LINGO2: variants seen among roughly 807,000 people sequenced by gnomAD.
LINGO2 encodes leucine-rich repeat and immunoglobulin-like domain-containing nogo receptor-interacting protein 2.
Under a neutral mutation model 30.6 loss-of-function variants are expected in LINGO2, and 14 were observed. That is an observed-to-expected ratio of 0.46 (90% CI 0.30 to 0.72). LINGO2 has a LOEUF of 0.72. Among genes scored for constraint, LINGO2 ranks in the 30% least tolerant of loss-of-function variants. The pLI is 0.07. For missense variants in LINGO2, 729 were observed against 751.7 expected, an observed-to-expected ratio of 0.97 and a Z score of 0.35; for synonymous variants, 317 against 288.5, an observed-to-expected ratio of 1.10 and a Z score of -1.00.
intron 3 of LINGO2, among the ~76,000 whole-genome samples, chr9:28,308,898 G>A (rs1824486409): frequency 6.6e-6 from 1 of 152,186 alleles, no homozygotes; most frequent in Non-Finnish European, 1.5e-5. Context: ...TCTCACACCA[G>A]TTAGAATGGC....
At chr9:28,425,403 A>G (rs926227169) in intron 2 of LINGO2, among the ~76,000 whole-genome samples, 2 of 151,540 alleles carry the variant, frequency 1.3e-5, no homozygotes, top group African/African-American at 4.8e-5. Context: ...TCTAAGAGGT[A>G]GAAACTATTA....
the LINGO2 span, among the ~76,000 whole-genome samples, chr9:28,987,385 T>C: frequency 2.0e-5 from 3 of 152,050 alleles, no homozygotes; most frequent in Non-Finnish European, 2.9e-5. Flanking sequence ...GCTATCAACT[T>C]TAATGTCTTC....
At chr9:28,445,463 C>A (rs1003142674) in intron 2 of LINGO2, among the ~76,000 whole-genome samples, 30 of 152,142 alleles carry the variant, frequency 2.0e-4, no homozygotes, top group Non-Finnish European at 3.5e-4. Context: ...GCTAGAAAAA[C>A]AGGAAATAAA....
chr9:28,995,053 A>C, the LINGO2 span, among the ~76,000 whole-genome samples: 2 of 152,024 alleles, frequency 1.3e-5, no homozygotes, highest in Non-Finnish European at 2.9e-5. Flanking sequence ...TCTGCACAGC[A>C]AAAGAAACTA....
rs185409762 is a variant in LINGO2, at chr9:28,342,143, G to A, written c.-246+30693C>T. On this transcript the variant is annotated intron_variant, in intron 3 of 5. Transcript: ENST00000379992. ...CTATAAAAAATACTTTCCTTTTCTCGAATTCAAGGAAGTGCAAAGCAAAAT... is the reference window on the plus strand; with the variant it reads ...CTATAAAAAATACTTTCCTTTTCTCAAATTCAAGGAAGTGCAAAGCAAAAT... Among the ~76,000 whole-genome samples the A allele has an allele frequency of 3.4e-4, 51 of 152,076 alleles. No homozygotes were observed. The Middle Eastern group carries it at 0.02, about 61-fold the overall frequency.
the LINGO2 span, among the ~76,000 whole-genome samples, chr9:29,069,917 C>A: frequency 6.6e-6 from 1 of 151,956 alleles, no homozygotes; most frequent in African/African-American, 2.4e-5. Context: ...GCACAGGTGG[C>A]ATCAGAGTTT....
chr9:29,122,378 C>CA, the LINGO2 span, among the ~76,000 whole-genome samples: 35 of 149,832 alleles, frequency 2.3e-4, no homozygotes, highest in East Asian at 3.1e-3. Context: ...AGATCTTAGT[C>CA]AAAAAAAAAC....
chr9:28,566,318 G>T (rs2135573216), intron 1 of LINGO2, among the ~76,000 whole-genome samples: 1 of 152,232 alleles, frequency 6.6e-6, no homozygotes, highest in Admixed American at 6.5e-5. Flanking sequence ...CTACACCTAT[G>T]CTTATTAAAC....
the LINGO2 span, among the ~76,000 whole-genome samples, chr9:29,089,544 T>C: frequency 6.6e-6 from 1 of 152,062 alleles, no homozygotes; most frequent in East Asian, 1.9e-4. Context: ...TTCAACCAAA[T>C]AAACTCCAAA....
chr9:29,105,500 G>A, the LINGO2 span, among the ~76,000 whole-genome samples: 555 of 152,180 alleles, frequency 3.6e-3, 2 homozygotes, highest in African/African-American at 0.013. Context: ...ACCAAAATCC[G>A]AGCAGTTTAC....
chr9:28,265,142 T>C (rs1371546908), intron 4 of LINGO2, among the ~76,000 whole-genome samples: 2 of 151,104 alleles, frequency 1.3e-5, no homozygotes, highest in East Asian at 2.0e-4. Context: ...ACAAATATCT[T>C]CATATATGTG....
At chr9:28,670,994 T>A (rs145849264), upstream of LINGO2, among the ~76,000 whole-genome samples, 553 of 152,242 alleles carry the variant, frequency 3.6e-3, 5 homozygotes, top group African/African-American at 0.013. Context: ...AAAAAAGCAT[T>A]ATTTTCTCCC....
intron 1 of LINGO2, among the ~76,000 whole-genome samples, chr9:28,510,775 T>TTATC (rs1288148277): frequency 6.6e-6 from 1 of 151,852 alleles, no homozygotes; most frequent in Non-Finnish European, 1.5e-5. Flanking sequence ...TATTTAAAAA[T>TTATC]TATCTATCTA....
At chr9:28,476,112 A>G (rs1825717176) in intron 1 of LINGO2, 87 bp from the exon 4 acceptor site, 1 of 152,588 alleles carries the variant, frequency 6.6e-6, no homozygotes, top group Admixed American at 6.5e-5. Context: ...AACGGTAATA[A>G]TTAACATATA....
chr9:28,786,307 C>T, the LINGO2 span, among the ~76,000 whole-genome samples: 2 of 152,104 alleles, frequency 1.3e-5, no homozygotes, highest in African/African-American at 4.8e-5. Flanking sequence ...TGATGTGATA[C>T]ATTCTGGAGG....
chr9:28,628,345 T>G (rs1301824869), intron 1 of LINGO2, among the ~76,000 whole-genome samples: 1 of 152,052 alleles, frequency 6.6e-6, no homozygotes, highest in African/African-American at 2.4e-5. Flanking sequence ...AGGAGTTCAG[T>G]TTCTGAGGCT....
intron 3 of LINGO2, among the ~76,000 whole-genome samples, chr9:28,320,787 T>C (rs1262234288): frequency 6.6e-6 from 1 of 152,182 alleles, no homozygotes; most frequent in African/African-American, 2.4e-5. Flanking sequence ...GGGATTTGTT[T>C]ACTTGCCAAC....
chr9:28,026,596 T>G (rs1276969239), intron 4 of LINGO2, among the ~76,000 whole-genome samples: 4 of 152,234 alleles, frequency 2.6e-5, no homozygotes, highest in African/African-American at 4.8e-5. Flanking sequence ...GCTTGCATTT[T>G]GGATCCATCT....
chr9:28,524,443 C>T (rs186142838), intron 1 of LINGO2, among the ~76,000 whole-genome samples: 1 of 152,274 alleles, frequency 6.6e-6, no homozygotes, highest in Non-Finnish European at 1.5e-5. Context: ...CTTCAAAAGA[C>T]ATCTTTATAA....
Sources: gnomAD v4.1 joint callset for allele counts (sites outside exome capture counted in the v4.1 genomes callset) on GRCh38, gnomAD v4.1.1 for gene constraint, MANE v1.5 for transcripts, NCBI Gene and HGNC (gene_info 2026-07-23, HGNC 2026-07-21) for gene names.